The following BAZ2B variants were observed in gnomAD, a reference collection of about 807,000 sequenced individuals.
BAZ2B encodes bromodomain adjacent to zinc finger domain protein 2B.
In BAZ2B, 91 loss-of-function variants were observed where a neutral mutation model predicts 246.0. That is an observed-to-expected ratio of 0.37 (90% CI 0.31 to 0.44). The LOEUF is 0.44. Among genes scored for constraint, BAZ2B ranks in the 20% least tolerant of loss-of-function variants. The pLI is 1.00. For synonymous variants in BAZ2B, 855 were observed against 860.0 expected (o/e 0.99, Z 0.10); for missense variants, 2,332 against 2,533.7 (o/e 0.92, Z 1.71).
the BAZ2B span, among the ~76,000 whole-genome samples, chr2:159,672,927 T>C: frequency 6.6e-6 from 1 of 152,182 alleles, no homozygotes. Flanking sequence ...AAACATATAT[T>C]AATTTCCTTA....
intron 13 of BAZ2B, among the ~76,000 whole-genome samples, chr2:159,414,894 G>T (rs1365923748): frequency 6.6e-6 from 1 of 151,258 alleles, no homozygotes; most frequent in East Asian, 1.9e-4. Context: ...AAATTAAAAA[G>T]AAATTATATA....
intron 2 of BAZ2B, among the ~76,000 whole-genome samples, chr2:159,518,136 C>G (rs527341449): frequency 6.6e-5 from 10 of 152,150 alleles, no homozygotes; most frequent in Admixed American, 3.3e-4. Context: ...TGATTTATGA[C>G]CATCTTAGTT....
Position 159,431,162 on chromosome 2 carries a change from A to G in BAZ2B, c.1901-6T>C. The G allele has an allele frequency of 6.3e-7, 1 of 1,595,424 alleles. No homozygotes were observed. ...TTCTGAATTACTATCTGATTCTGGGAAGTAAAAGAAGCATTTGTATATTAT... is the reference window on the plus strand; with the variant it reads ...TTCTGAATTACTATCTGATTCTGGGGAGTAAAAGAAGCATTTGTATATTAT... On this transcript the variant is annotated splice_region_variant and splice_polypyrimidine_tract_variant and intron_variant, in intron 9 of 36. Transcript: ENST00000392783.
rs2061233022 is a variant in BAZ2B at position 159,374,694 on chromosome 2, A to C, written c.4065T>G (p.Ser1355Arg). The C allele has an allele frequency of 6.2e-7, 1 of 1,611,036 alleles. No homozygotes were observed. The highest frequency in any genetic ancestry group is 8.5e-7 in the Non-Finnish European group (1 of 1,177,560). Residue 1355 changes from serine to arginine, a missense_variant, in exon 26 of 37, where the codon AGT becomes AGG. By Grantham distance (110) the Ser-to-Arg change is moderately radical. Around this residue, in one of 9 missense-constraint regions of BAZ2B, gnomAD observed 676 missense variants for 668.6 expected, o/e 1.01. Transcript: ENST00000392783. ...EELEKQIEKLSKQQSQYRRKL... is the reference protein window; with the variant it reads ...EELEKQIEKLRKQQSQYRRKL... Reference sequence around the variant, plus strand: ...TGTTAATCAGAAAAGTGCTTACTTTACTCAGTTTTTCAATCTGTTTTTCCA... The same window carrying C: ...TGTTAATCAGAAAAGTGCTTACTTTCCTCAGTTTTTCAATCTGTTTTTCCA...
the BAZ2B span, among the ~76,000 whole-genome samples, chr2:159,643,643 G>A: frequency 6.6e-6 from 1 of 152,076 alleles, no homozygotes; most frequent in Non-Finnish European, 1.5e-5. Flanking sequence ...GGGAGTCCGA[G>A]GTAGGTGAAT....
intron 18 of BAZ2B, among the ~76,000 whole-genome samples, chr2:159,397,774 G>T (rs1054048339): frequency 2.6e-5 from 4 of 152,050 alleles, no homozygotes; most frequent in African/African-American, 9.7e-5. Flanking sequence ...AATACATTAT[G>T]GTGCAACCCT....
chr2:159,331,404 G>A (rs12477415), intron 34 of BAZ2B, among the ~76,000 whole-genome samples: 99,707 of 152,070 alleles, frequency 0.66, 34,100 homozygotes, highest in Admixed American at 0.76. Flanking sequence ...GTCTCACTCT[G>A]TCACTCAGGC....
chr2:159,453,797 A>G lies in BAZ2B; in HGVS notation c.150T>C (p.His50=), dbSNP rs770815120. Residue 50 remains histidine (H), a synonymous_variant, in exon 4 of 37, where the codon CAT becomes CAC. Coordinates refer to ENST00000392783, the MANE Select transcript of BAZ2B (RefSeq NM_013450.4). The part of the protein sequence containing the change: ...SLSSTINPCG[H]LFRTAGDQPF... ...GTTGATCCCCAGCTGTTCTGAATAA[A>G]TGTCCTGGGAGGGAAAAAAACACAC... 18 of 1,585,490 alleles carry G rather than the reference A, an allele frequency of 1.1e-5. No individual in the cohort carries two copies.
At chr2:159,689,282 C>T in the BAZ2B span, 2 of 465,230 alleles carry the variant, frequency 4.3e-6, no homozygotes, top group Non-Finnish European at 7.7e-6. Context: ...TGTCTCATCC[C>T]CAGTGGCTTT....
the BAZ2B span, among the ~76,000 whole-genome samples, chr2:159,708,544 C>CTTTT: frequency 1.5e-5 from 2 of 135,224 alleles, no homozygotes; most frequent in Admixed American, 7.9e-5. Flanking sequence ...TTTTAATAAC[C>CTTTT]TTTTATTTAT....
intron 27 of BAZ2B, among the ~76,000 whole-genome samples, chr2:159,369,215 T>C (rs1457565027): frequency 6.6e-6 from 1 of 152,144 alleles, no homozygotes; most frequent in East Asian, 1.9e-4. Flanking sequence ...GAAATTTCGA[T>C]GGTAGAAGAA....
At chr2:159,516,544 T>C (rs916357558) in intron 2 of BAZ2B, 1 of 152,518 alleles carries the variant, frequency 6.6e-6, no homozygotes, top group Admixed American at 6.5e-5. Flanking sequence ...TCTCTCTCAG[T>C]TACTCACAAA....
At chr2:159,697,091 A>ATGTGTAGTCTTATT in the BAZ2B span, among the ~76,000 whole-genome samples, 199 of 152,190 alleles carry the variant, frequency 1.3e-3, 1 homozygote, top group Middle Eastern at 0.014. Flanking sequence ...CAGCCTGGTT[A>ATGTGTAGTCTTATT]TGTGTAGTCT....
intron 2 of BAZ2B, among the ~76,000 whole-genome samples, chr2:159,501,076 C>G (rs2081651645): frequency 7.4e-6 from 1 of 135,732 alleles, no homozygotes; most frequent in African/African-American, 2.8e-5. Flanking sequence ...TCAAGATCAG[C>G]CTGGGCAACA....
chr2:159,586,774 A>G (rs1299745907), intron 1 of BAZ2B, among the ~76,000 whole-genome samples: 1 of 152,126 alleles, frequency 6.6e-6, no homozygotes, highest in African/African-American at 2.4e-5. Flanking sequence ...AATTAAAATT[A>G]TTCCATATAG....
chr2:159,674,474 G>A, the BAZ2B span, among the ~76,000 whole-genome samples: 1 of 151,990 alleles, frequency 6.6e-6, no homozygotes, highest in Non-Finnish European at 1.5e-5. Flanking sequence ...CAGCACTTTG[G>A]GAGGTTGAGG....
chr2:159,438,628 T>C lies in BAZ2B; in HGVS notation c.968A>G (p.Lys323Arg). Residue 323 changes from lysine to arginine, a missense_variant, in exon 8 of 37, where the codon AAA becomes AGA. Lys to Arg is a conservative substitution (Grantham distance 26). Around this residue, in one of 9 missense-constraint regions of BAZ2B, gnomAD observed 161 missense variants for 225.8 expected, o/e 0.71. Coordinates refer to ENST00000392783, the MANE Select transcript of BAZ2B (RefSeq NM_013450.4). ...GQKATEKAQE[K>R]RIHQPLPLAS... ...AAGAGGTAATGGCTGGTGTATTCTT[T>C]TTTCCTGGGCTTTTTCAGTTGCTTT... 6.2e-7 allele frequency: 1 copy of C among 1,613,966 alleles called. No individual in the cohort carries two copies. Among genetic ancestry groups the C allele is most frequent in the Non-Finnish European group, 8.5e-7 (1 of 1,179,958 alleles).
chr2:159,365,605 T>C (rs2060137342), intron 27 of BAZ2B, among the ~76,000 whole-genome samples: 1 of 152,208 alleles, frequency 6.6e-6, no homozygotes, highest in African/African-American at 2.4e-5. Flanking sequence ...AGAAGGGCAA[T>C]TTTGATTCTC....
intron 2 of BAZ2B, among the ~76,000 whole-genome samples, chr2:159,514,697 C>T (rs1437961743): frequency 6.6e-6 from 1 of 152,078 alleles, no homozygotes; most frequent in Admixed American, 6.6e-5. Flanking sequence ...TTTAAATTCT[C>T]TACAATTACT....
Sources: allele counts gnomAD v4.1 joint callset (sites outside exome capture counted in the v4.1 genomes callset), GRCh38; gene constraint gnomAD v4.1.1; regional missense constraint gnomAD v4.1.1; transcripts MANE v1.5; gene names NCBI Gene and HGNC (gene_info 2026-07-23, HGNC 2026-07-21).